ELFN2: variants seen among roughly 807,000 people sequenced by gnomAD.
ELFN2 encodes extracellular leucine rich repeat and fibronectin type III domain containing 2.
In ELFN2, 17 loss-of-function variants were observed where a neutral mutation model predicts 45.5. The observed-to-expected ratio is 0.37, with a 90% CI of 0.26 to 0.56. ELFN2 has a LOEUF of 0.56. Among genes scored for constraint, ELFN2 ranks in the 20% least tolerant of loss-of-function variants. The pLI is 0.77. For missense variants in ELFN2, 922 were observed against 1,183.2 expected, an observed-to-expected ratio of 0.78 and a Z score of 3.24; for synonymous variants, 550 against 551.5, an observed-to-expected ratio of 1.00 and a Z score of 0.04.
chr22:37,374,621 G>A lies in ELFN2; in HGVS notation c.914C>T (p.Thr305Met), dbSNP rs182966816. ...GACCACCAGGGTGGCCGAGGTGAAC[G>A]TGACGTGGTGCAGCTTGATGGCTGG... is the stretch of plus-strand genomic sequence containing the variant. The part of the protein sequence containing the change: ...AGPAIKLHHV[T>M]FTSATLVVII... The change falls in exon 3 of 3, where the codon ACG becomes ATG. Residue 305 changes from threonine to methionine, a missense_variant. Thr to Met is a moderately conservative substitution (Grantham distance 81). This residue lies in a region of ELFN2 where 358 missense variants were observed against 540.4 expected (regional missense o/e 0.66). Coordinates refer to ENST00000402918, the MANE Select transcript of ELFN2 (RefSeq NM_052906.5). 1.7e-4 allele frequency: 278 copies of A among 1,614,170 alleles called. No homozygotes were observed. The Middle Eastern group carries it at 7.3e-3, about 42-fold the overall frequency.
At chr22:37,346,833 C>A (rs1027551992) in intron 1 of ELFN2, among the ~76,000 whole-genome samples, 1 of 152,082 alleles carries the variant, frequency 6.6e-6, no homozygotes, top group Non-Finnish European at 1.5e-5. Context: ...ACACACACAG[C>A]CCTCAGTGAA....
rs143082666 is a variant in ELFN2, at chr22:37,392,620, A to T, written c.-462-16624T>A. Among the ~76,000 whole-genome samples, 67 of 152,238 alleles carry T rather than the reference A, an allele frequency of 4.4e-4. No homozygotes were observed. In the East Asian group the frequency reaches 0.012, roughly 28 times the overall value. On this transcript the variant is annotated intron_variant, in intron 2 of 2. Coordinates refer to ENST00000402918, the MANE Select transcript of ELFN2 (RefSeq NM_052906.5). ...GGTGTAAGCCACCGCGCCCGGCCAG[A>T]ACCAGGTATTATTTTTATGCCCGTT...
chr22:37,364,998 C>A (rs1355039335), downstream of ELFN2, among the ~76,000 whole-genome samples: 1 of 152,142 alleles, frequency 6.6e-6, no homozygotes, highest in Non-Finnish European at 1.5e-5. Context: ...TGGGAGGGCA[C>A]CAGAGGAGCA....
intron 2 of ELFN2, among the ~76,000 whole-genome samples, chr22:37,414,207 T>G (rs1932724977): frequency 6.6e-6 from 1 of 151,262 alleles, no homozygotes; most frequent in Non-Finnish European, 1.5e-5. Context: ...TACTCTACAG[T>G]GGTGGGAGGG....
intron 2 of ELFN2, among the ~76,000 whole-genome samples, chr22:37,377,564 G>A (rs1418159237): frequency 1.3e-5 from 2 of 152,264 alleles, no homozygotes; most frequent in Non-Finnish European, 2.9e-5. Flanking sequence ...ACAGAGGAAA[G>A]GGAAATGGGT....
Position 37,350,575 on chromosome 22 carries a change from G to A in ELFN2, n.149-7872C>T, listed in dbSNP as rs561500986. Among the ~76,000 whole-genome samples the A allele has an allele frequency of 1.4e-4, 21 of 150,526 alleles. 1 individual carries two copies. The highest frequency in any genetic ancestry group is 4.6e-4 in the African/African-American group (19 of 41,338). On this transcript the variant is annotated intron_variant and non_coding_transcript_variant, in intron 1 of 2. Coordinates refer to ENST00000452946, the Ensembl canonical transcript of ELFN2. ...CCACCGCAGGGCCCTAGGCCCACCC[G>A]CCAGCTCCTTTCCCCTCCCCGGGCC...
intron 2 of ELFN2, among the ~76,000 whole-genome samples, chr22:37,386,161 AC>A (rs1471395972): frequency 6.6e-6 from 1 of 151,924 alleles, no homozygotes; most frequent in Non-Finnish European, 1.5e-5. Context: ...CATTATTCCC[AC>A]CCCACAGAAC....
At chr22:37,394,487 C>A (rs1427742613) in intron 2 of ELFN2, among the ~76,000 whole-genome samples, 1 of 152,246 alleles carries the variant, frequency 6.6e-6, no homozygotes, top group Non-Finnish European at 1.5e-5. Context: ...CCCTCCCGCC[C>A]TCCTCCCGGG....
intron 1 of ELFN2, among the ~76,000 whole-genome samples, chr22:37,346,190 A>G (rs1438327345): frequency 6.6e-6 from 1 of 152,256 alleles, no homozygotes; most frequent in Non-Finnish European, 1.5e-5. Context: ...GCCTGGGTTT[A>G]TAGTTGAAAC....
chr22:37,356,467 TA>T (rs111666604), intron 1 of ELFN2, among the ~76,000 whole-genome samples: 7,433 of 152,238 alleles, frequency 0.049, 404 homozygotes, highest in African/African-American at 0.14. Context: ...ATTTCAGGGT[TA>T]GAGGGGGCAC....
At chr22:37,424,383 A>T (rs1234625285) in intron 1 of ELFN2, among the ~76,000 whole-genome samples, 2 of 152,204 alleles carry the variant, frequency 1.3e-5, no homozygotes, top group South Asian at 4.1e-4. Context: ...GATATTGAGG[A>T]ACAGGCATGG....
intron 1 of ELFN2, among the ~76,000 whole-genome samples, chr22:37,426,363 C>A (rs1932849651): frequency 6.6e-6 from 1 of 152,054 alleles, no homozygotes; most frequent in African/African-American, 2.4e-5. Context: ...CGCGCACACA[C>A]ACACACACAC....
At chr22:37,402,898 T>C (rs1251459003) in intron 2 of ELFN2, among the ~76,000 whole-genome samples, 1 of 152,054 alleles carries the variant, frequency 6.6e-6, no homozygotes, top group African/African-American at 2.4e-5. Flanking sequence ...CACTGGGGAC[T>C]CTGAAAGATA....
chr22:37,380,093 C>T (rs1347709715), intron 2 of ELFN2, among the ~76,000 whole-genome samples: 1 of 152,238 alleles, frequency 6.6e-6, no homozygotes, highest in Admixed American at 6.5e-5. Flanking sequence ...CTCTCAGCCC[C>T]CCGCTATAGG....
In ELFN2 at chr22:37,373,090, G is replaced by A. The variant is rs200269334; in HGVS notation, c.2445C>T (p.Ser815=). Residue 815 remains serine (S), a synonymous_variant, in exon 3 of 3, where the codon TCC becomes TCT. Coordinates refer to ENST00000402918, the MANE Select transcript of ELFN2 (RefSeq NM_052906.5). The stretch of plus-strand genomic sequence containing the variant: ...GGGGGGGTCACAGCTTCTGCTGGGC[G>A]GAGACCCCCTTCCAGTAATCAAGGA... The part of the protein sequence containing the change: ...HDILDYWKGV[S]AQQKL The A allele has an allele frequency of 5.9e-5, 94 of 1,599,084 alleles. No individual in the cohort carries two copies. Among genetic ancestry groups the A allele is most frequent in the East Asian group, 3.8e-4 (17 of 44,530 alleles).
At chr22:37,385,395 T>TGGATGGTGGTTTTC (rs752519860) in intron 2 of ELFN2, 6 of 152,258 alleles carry the variant, frequency 3.9e-5, no homozygotes, top group Non-Finnish European at 8.8e-5. Context: ...CTGTTTCATC[T>TGGATGGTGGTTTTC]GGATGGTGGT....
intron 1 of ELFN2, among the ~76,000 whole-genome samples, chr22:37,355,281 G>A (rs62237486): frequency 0.015 from 2,287 of 152,328 alleles, 32 homozygotes; most frequent in Non-Finnish European, 0.026. Context: ...AGCACTGGCC[G>A]TTTGCCTGTT....
intron 2 of ELFN2, among the ~76,000 whole-genome samples, chr22:37,382,455 G>T (rs1162743777): frequency 6.6e-6 from 1 of 151,906 alleles, no homozygotes; most frequent in Non-Finnish European, 1.5e-5. Context: ...ACGTTGGCCA[G>T]GATGGTCTCC....
intron 1 of ELFN2, among the ~76,000 whole-genome samples, chr22:37,423,947 G>T (rs133726): frequency 0.1 from 15,271 of 152,218 alleles, 1,022 homozygotes; most frequent in Non-Finnish European, 0.16. Flanking sequence ...AATTTAATCA[G>T]GGATTGGGCT....
Sources: allele counts gnomAD v4.1 joint callset (sites outside exome capture counted in the v4.1 genomes callset), GRCh38; gene constraint gnomAD v4.1.1; regional missense constraint gnomAD v4.1.1; transcripts MANE v1.5; gene names NCBI Gene and HGNC (gene_info 2026-07-23, HGNC 2026-07-21).